Variants in ERN1 observed in about 807,000 individuals in gnomAD.
ERN1 encodes endoplasmic reticulum to nucleus signaling 1.
A neutral mutation model predicts 113.1 loss-of-function variants in ERN1; 39 were observed. The ratio of observed to expected loss-of-function variants is 0.34; its 90% confidence interval spans 0.27 to 0.45. The LOEUF (loss-of-function observed/expected upper bound fraction) is 0.45, where lower values mean the gene tolerates loss of function less well. Ranked by LOEUF, ERN1 falls within the 20% of genes least tolerant of loss-of-function variation. The pLI, the probability that ERN1 is intolerant of heterozygous loss-of-function variation, is 1.00. For synonymous variants in ERN1, 507 were observed against 515.9 expected, an observed-to-expected ratio of 0.98 and a Z score of 0.23; for missense variants, 976 against 1,274.8, an observed-to-expected ratio of 0.77 and a Z score of 3.57.
At chr17:64,066,533 C>T in intron 8 of ERN1, 138 bp downstream of exon 8, 1 of 998,536 alleles carries the variant, frequency 1.0e-6, no homozygotes, top group Non-Finnish European at 1.4e-6. Flanking sequence ...CCAAATGAAA[C>T]AGTCTTGGCT....
intron 2 of ERN1, among the ~76,000 whole-genome samples, chr17:64,097,321 G>A (rs1396606746): frequency 6.6e-6 from 1 of 152,156 alleles, no homozygotes. Context: ...TACTGTTTTG[G>A]AACACTTTAT....
chr17:64,052,643 A>G (rs1912721703), intron 17 of ERN1, 137 bp downstream of exon 17: 1 of 689,146 alleles, frequency 1.5e-6, no homozygotes, highest in Non-Finnish European at 2.3e-6. Flanking sequence ...ATGTTCACAC[A>G]GAAGCTCTTG....
chr17:64,109,135 G>GA (rs60665849), intron 1 of ERN1, among the ~76,000 whole-genome samples: 3,696 of 144,428 alleles, frequency 0.026, 152 homozygotes, highest in African/African-American at 0.085. Context: ...AAAAAAAATA[G>GA]AAAAAAAAAA....
intron 1 of ERN1, among the ~76,000 whole-genome samples, chr17:64,109,164 C>A (rs1174370808): frequency 1.3e-5 from 2 of 151,842 alleles, no homozygotes; most frequent in Non-Finnish European, 2.9e-5. Flanking sequence ...CACGTAGAAA[C>A]CCCAAGGGAA....
At chr17:64,100,885 A>G (rs902791488) in intron 1 of ERN1, among the ~76,000 whole-genome samples, 1 of 152,202 alleles carries the variant, frequency 6.6e-6, no homozygotes, top group Non-Finnish European at 1.5e-5. Context: ...AGACACAGAA[A>G]CAGAAAGCAG....
chr17:64,046,326 G>A (rs1912512603), intron 19 of ERN1, among the ~76,000 whole-genome samples: 1 of 152,186 alleles, frequency 6.6e-6, no homozygotes, highest in African/African-American at 2.4e-5. Flanking sequence ...AAGCTGTTAC[G>A]GCTAAATGAC....
intron 1 of ERN1, among the ~76,000 whole-genome samples, chr17:64,109,309 A>C (rs1020906111): frequency 1.3e-5 from 2 of 152,208 alleles, no homozygotes; most frequent in African/African-American, 4.8e-5. Context: ...AGTCAAGTAG[A>C]AAGTGGAAAA....
chr17:64,096,084 C>A (rs1172311793), intron 2 of ERN1, among the ~76,000 whole-genome samples: 4 of 152,186 alleles, frequency 2.6e-5, no homozygotes, highest in Admixed American at 2.6e-4. Context: ...TGGGGTCCTA[C>A]AGAACAGGGG....
At chr17:64,118,089 G>C (rs1256835233) in intron 1 of ERN1, among the ~76,000 whole-genome samples, 1 of 152,172 alleles carries the variant, frequency 6.6e-6, no homozygotes, top group Non-Finnish European at 1.5e-5. Flanking sequence ...CCCGTATGAG[G>C]CTGCACCAGA....
intron 5 of ERN1, among the ~76,000 whole-genome samples, chr17:64,074,020 C>T (rs1186126060): frequency 6.6e-6 from 1 of 152,164 alleles, no homozygotes; most frequent in African/African-American, 2.4e-5. Flanking sequence ...GTGCAACTTA[C>T]CCATGGATCG....
chr17:64,048,988 C>A, intron 18 of ERN1, 67 bp downstream of exon 18: 1 of 1,449,444 alleles, frequency 6.9e-7, no homozygotes, highest in Admixed American at 2.2e-5. Flanking sequence ...TGGCACCAGC[C>A]CAGCTCTGCA....
Position 64,072,034 on chromosome 17 carries a change from G to T in ERN1, c.425C>A (p.Ala142Asp). 6.2e-7 allele frequency: 1 copy of T among 1,604,450 alleles called. No individual in the cohort carries two copies. The highest frequency in any genetic ancestry group is 8.5e-7 in the Non-Finnish European group (1 of 1,175,220). Reference sequence around the variant, plus strand: ...TGATGGGCAGAGACTATCTGCAAAGGCCGATGACAAAGTCTGCTGCTTCTC... The same window carrying T: ...TGATGGGCAGAGACTATCTGCAAAGTCCGATGACAAAGTCTGCTGCTTCTC... ...TGEKQQTLSS[A>D]FADSLCPSTS... is the part of the protein sequence containing the mutation. Residue 142 changes from alanine (A) to aspartate (D), a missense_variant, in exon 6 of 22, where the codon GCC (alanine) becomes GAC (aspartate). This residue lies in a region of ERN1 where 459 missense variants were observed against 581.2 expected (regional missense o/e 0.79). Coordinates refer to ENST00000433197, the MANE Select transcript of ERN1 (RefSeq NM_001433.5).
At chr17:64,067,419 C>T (rs1375051336) in intron 7 of ERN1, among the ~76,000 whole-genome samples, 2 of 117,930 alleles carry the variant, frequency 1.7e-5, no homozygotes, top group South Asian at 6.7e-4. Flanking sequence ...GTGAGACCCC[C>T]GTCTCTACAA....
chr17:64,072,750 A>T (rs990012057), intron 5 of ERN1, among the ~76,000 whole-genome samples: 4 of 152,210 alleles, frequency 2.6e-5, no homozygotes, highest in Non-Finnish European at 5.9e-5. Flanking sequence ...AGTAAATAAC[A>T]CTATATATTA....
intron 11 of ERN1, among the ~76,000 whole-genome samples, chr17:64,059,622 G>C (rs1483171861): frequency 6.6e-6 from 1 of 152,192 alleles, no homozygotes; most frequent in Admixed American, 6.5e-5. Context: ...GCTAACAGGG[G>C]ACACCAGCAG....
chr17:64,102,294 A>G (rs1207994740), intron 1 of ERN1, among the ~76,000 whole-genome samples: 1 of 152,174 alleles, frequency 6.6e-6, no homozygotes, highest in Admixed American at 6.5e-5. Context: ...TCAAAAACAA[A>G]AACAACAACA....
In ERN1 at chr17:64,045,428, A is replaced by G; in HGVS notation, c.2584T>C (p.Leu862=). 1 of 1,613,892 alleles carries G rather than the reference A, an allele frequency of 6.2e-7. No homozygotes were observed. The change falls in exon 20 of 22, where the codon TTA becomes CTA. Residue 862 remains leucine (L), a synonymous_variant. Coordinates refer to ENST00000433197, the MANE Select transcript of ERN1 (RefSeq NM_001433.5). The part of the protein sequence containing the change: ...ESLDGPIVKQ[L]ERGGRAVVKM... ...ACCACGGCTCTCCCGCCTCTCTCTA[A>G]CTGCTTCACGATCGGGCCATCCAGG...
chr17:64,115,198 T>A (rs1288399965), intron 1 of ERN1, among the ~76,000 whole-genome samples: 3 of 152,152 alleles, frequency 2.0e-5, no homozygotes, highest in African/African-American at 7.2e-5. Context: ...TGGTCTCACA[T>A]TACTCAAGTA....
rs16947393 is a variant in ERN1 at position 64,049,146 on chromosome 17, C to T, written c.2310G>A (p.Glu770=). 10,952 of 1,609,258 alleles carry T rather than the reference C, an allele frequency of 6.8e-3. 636 individuals carry two copies. In the African/African-American group the frequency reaches 0.12, roughly 18 times the overall value. The change falls in exon 18 of 22, where the codon GAG becomes GAA. Residue 770 remains glutamate (E), a synonymous_variant. Coordinates refer to ENST00000433197, the MANE Select transcript of ERN1 (RefSeq NM_001433.5). The surrounding 1 kb of genome is among the most constrained non-coding windows in gnomAD (Gnocchi z 4.7). ...AGCVFYYVIS[E]GSHPFGKSLQ... Reference sequence around the variant, plus strand: ...GGGACTTGCCAAAAGGGTGGCTGCCCTCAGAGATTACGTAGTAAAAGACGC... The same window carrying T: ...GGGACTTGCCAAAAGGGTGGCTGCCTTCAGAGATTACGTAGTAAAAGACGC...
Sources: gnomAD v4.1 joint callset for allele counts (sites outside exome capture counted in the v4.1 genomes callset) on GRCh38, gnomAD v4.1.1 for gene constraint, gnomAD v4.1.1 regional missense constraint, Gnocchi (gnomAD v3.1) non-coding constraint, MANE v1.5 for transcripts, NCBI Gene and HGNC (gene_info 2026-07-23, HGNC 2026-07-21) for gene names.